The following PRKCQ variants were observed in gnomAD, a reference collection of about 807,000 sequenced individuals.
The protein encoded by PRKCQ is protein kinase C theta, also known as protein kinase C theta type.
Under a neutral mutation model 91.2 loss-of-function variants are expected in PRKCQ, and 41 were observed. The observed-to-expected ratio is 0.45, with a 90% CI of 0.35 to 0.58. The LOEUF (loss-of-function observed/expected upper bound fraction) is 0.58, where lower values mean the gene tolerates loss of function less well. Among genes scored for constraint, PRKCQ ranks in the 20% least tolerant of loss-of-function variants. PRKCQ has a pLI of 0.00. For missense variants in PRKCQ, 673 were observed against 896.5 expected, an observed-to-expected ratio of 0.75 and a Z score of 3.18; for synonymous variants, 307 against 316.9, an observed-to-expected ratio of 0.97 and a Z score of 0.33.
rs149204733 is a variant in PRKCQ, at chr10:6,491,419, G to A, written c.790+264C>T. On this transcript the variant is annotated intron_variant, in intron 8 of 17. Coordinates refer to ENST00000263125, the MANE Select transcript of PRKCQ (RefSeq NM_006257.5). Reference sequence around the variant, plus strand: ...TTCATTTCCCCCAGGGCTATGGTACGGCAGAAGGTGATGGAGCTAGGAGTT... The same window carrying A: ...TTCATTTCCCCCAGGGCTATGGTACAGCAGAAGGTGATGGAGCTAGGAGTT... 3.7e-3 allele frequency among the ~76,000 whole-genome samples: 558 copies of A among 152,320 alleles called. 4 individuals carry two copies. Among genetic ancestry groups the A allele is most frequent in the Non-Finnish European group, 4.6e-3 (310 of 68,020 alleles).
chr10:6,563,505 C>A (rs752022652), intron 1 of PRKCQ, among the ~76,000 whole-genome samples: 3 of 152,118 alleles, frequency 2.0e-5, no homozygotes, highest in Non-Finnish European at 4.4e-5. Context: ...TCTCTTACAT[C>A]GAATCAGATT....
intron 9 of PRKCQ, among the ~76,000 whole-genome samples, chr10:6,485,524 T>C (rs997096012): frequency 6.6e-6 from 1 of 152,194 alleles, no homozygotes; most frequent in African/African-American, 2.4e-5. Context: ...GCTGTCTACA[T>C]CATTCCATCA....
At chr10:6,524,322 T>G in intron 1 of PRKCQ, among the ~76,000 whole-genome samples, 1 of 152,194 alleles carries the variant, frequency 6.6e-6, no homozygotes, top group East Asian at 1.9e-4. Context: ...GGTAGTTATC[T>G]CCATCTTATT....
At chr10:6,551,624 C>T (rs1840188138) in intron 1 of PRKCQ, among the ~76,000 whole-genome samples, 2 of 152,114 alleles carry the variant, frequency 1.3e-5, no homozygotes, top group African/African-American at 4.8e-5. Flanking sequence ...TCTCGATCTC[C>T]TGACCTTGTG....
chr10:6,565,038 G>A (rs1464373811), intron 1 of PRKCQ, among the ~76,000 whole-genome samples: 2 of 152,224 alleles, frequency 1.3e-5, no homozygotes, highest in Non-Finnish European at 2.9e-5. Context: ...GTGGCATGTG[G>A]ATTAAAATTC....
At chr10:6,562,313 G>A (rs1298140299) in intron 1 of PRKCQ, among the ~76,000 whole-genome samples, 6 of 152,150 alleles carry the variant, frequency 3.9e-5, no homozygotes, top group Non-Finnish European at 8.8e-5. Context: ...AACAACTTCC[G>A]GAGTTCCATG....
chr10:6,488,805 G>A (rs1288426552), intron 8 of PRKCQ, among the ~76,000 whole-genome samples: 3 of 149,898 alleles, frequency 2.0e-5, no homozygotes, highest in Non-Finnish European at 3.0e-5. Flanking sequence ...CTTGAGACAG[G>A]GTCTTGCTCT....
At chr10:6,462,432 G>A in intron 13 of PRKCQ, 67 bp from the exon 14 acceptor site, 5 of 1,468,490 alleles carry the variant, frequency 3.4e-6, no homozygotes, top group Non-Finnish European at 4.8e-6. Context: ...CCCAAACCCA[G>A]ACTGACCTTT....
At chr10:6,429,499 A>G (rs1833298189) in intron 17 of PRKCQ, among the ~76,000 whole-genome samples, 1 of 152,082 alleles carries the variant, frequency 6.6e-6, no homozygotes, top group African/African-American at 2.4e-5. Flanking sequence ...TCTTCTGGCC[A>G]TTCGCTATCA....
chr10:6,510,283 A>C (rs1289444969), intron 3 of PRKCQ, among the ~76,000 whole-genome samples: 1 of 152,200 alleles, frequency 6.6e-6, no homozygotes, highest in Non-Finnish European at 1.5e-5. Context: ...ATTTCTAAAT[A>C]TTTACTACCA....
chr10:6,422,920 C>T (rs1173233826), downstream of PRKCQ, among the ~76,000 whole-genome samples: 1 of 152,196 alleles, frequency 6.6e-6, no homozygotes, highest in African/African-American at 2.4e-5. Flanking sequence ...TGCTGCCAAC[C>T]TCTGAGGGTC....
chr10:6,406,945 TTGAAA>T, the PRKCQ span, among the ~76,000 whole-genome samples: 2 of 152,238 alleles, frequency 1.3e-5, no homozygotes, highest in South Asian at 2.1e-4. Flanking sequence ...GCTAATAAAG[TTGAAA>T]TGAACGAATG....
At chr10:6,468,126 C>T (rs966803881) in intron 12 of PRKCQ, among the ~76,000 whole-genome samples, 8 of 152,110 alleles carry the variant, frequency 5.3e-5, no homozygotes, top group African/African-American at 1.9e-4. Context: ...CGTTTGCATA[C>T]ACAAATATCA....
chr10:6,479,226 G>C, intron 11 of PRKCQ, 61 bp from the exon 12 acceptor site: 1 of 1,578,192 alleles, frequency 6.3e-7, no homozygotes, highest in South Asian at 1.1e-5. Flanking sequence ...TCTTAAAAAA[G>C]AGACAGAGTC....
intron 1 of PRKCQ, chr10:6,515,632 A>G: frequency 2.0e-6 from 1 of 510,512 alleles, no homozygotes; most frequent in Non-Finnish European, 2.5e-6. Context: ...GGCCCAAGGC[A>G]TTCGGCAGCT....
intron 1 of PRKCQ, among the ~76,000 whole-genome samples, chr10:6,540,015 C>T (rs56057916): frequency 1.3e-5 from 2 of 152,180 alleles, no homozygotes; most frequent in Admixed American, 1.3e-4. Context: ...ATCCCTTCAA[C>T]TAATTAAGGG....
the PRKCQ span, among the ~76,000 whole-genome samples, chr10:6,411,325 T>C: frequency 1.3e-5 from 2 of 152,186 alleles, no homozygotes; most frequent in Non-Finnish European, 2.9e-5. Context: ...AGGCACTCAG[T>C]AAATATTAGC....
intron 1 of PRKCQ, among the ~76,000 whole-genome samples, chr10:6,561,413 A>G (rs1840631792): frequency 6.6e-6 from 1 of 150,752 alleles, no homozygotes. Context: ...AGAAAAAAAG[A>G]AATGTTTCCT....
chr10:6,473,973 C>T (rs1003651996), intron 12 of PRKCQ, among the ~76,000 whole-genome samples: 4 of 152,190 alleles, frequency 2.6e-5, no homozygotes, highest in Admixed American at 6.5e-5. Context: ...TTATTTTTCA[C>T]GTTATCCTTA....
Sources: allele counts gnomAD v4.1 joint callset (sites outside exome capture counted in the v4.1 genomes callset), GRCh38; gene constraint gnomAD v4.1.1; transcripts MANE v1.5; gene names NCBI Gene and HGNC (gene_info 2026-07-23, HGNC 2026-07-21).